SNTB2: variants seen among roughly 807,000 people sequenced by gnomAD.
The protein encoded by SNTB2 is beta-2-syntrophin.
A neutral mutation model predicts 46.2 loss-of-function variants in SNTB2; 34 were observed. The ratio of observed to expected loss-of-function variants is 0.74; its 90% CI spans 0.56 to 0.98. SNTB2 has a LOEUF of 0.98. Among genes scored for constraint, SNTB2 ranks in the 50% least tolerant of loss-of-function variants. The probability of loss-of-function intolerance (pLI) is 0.00; values close to 1 mark genes in which losing one functional copy is unlikely to be tolerated. For missense variants in SNTB2, 603 were observed against 731.4 expected (o/e 0.82, Z 2.02); for synonymous variants, 290 against 312.6 (o/e 0.93, Z 0.76).
chr16:69,277,472 A>G (rs548967736), intron 4 of SNTB2, among the ~76,000 whole-genome samples: 13 of 152,376 alleles, frequency 8.5e-5, no homozygotes, highest in Middle Eastern at 6.8e-3. Flanking sequence ...TTGAAATTTC[A>G]AGGGAAACCA....
chr16:69,199,678 T>C (rs1964141257), intron 1 of SNTB2, among the ~76,000 whole-genome samples: 1 of 151,012 alleles, frequency 6.6e-6, no homozygotes, highest in African/African-American at 2.4e-5. Flanking sequence ...GCAATCTAGA[T>C]TGCAGTTAAT....
intron 1 of SNTB2, among the ~76,000 whole-genome samples, chr16:69,236,043 G>A (rs1964556829): frequency 6.6e-6 from 1 of 152,134 alleles, no homozygotes; most frequent in Admixed American, 6.6e-5. Context: ...AAGAAGTGAG[G>A]GAATCAATAT....
At chr16:69,279,701 A>AT (rs79254687) in intron 4 of SNTB2, among the ~76,000 whole-genome samples, 146 of 148,140 alleles carry the variant, frequency 9.9e-4, no homozygotes, top group Non-Finnish European at 1.2e-3. Context: ...AATTTTTTGT[A>AT]TTTTTTTTAA....
At chr16:69,191,557 C>CAAAAA (rs1204153764) in intron 1 of SNTB2, among the ~76,000 whole-genome samples, 1 of 60,288 alleles carries the variant, frequency 1.7e-5, no homozygotes, top group Non-Finnish European at 3.3e-5. Flanking sequence ...GATCCTGTCT[C>CAAAAA]AAAAAAAAAA....
intron 1 of SNTB2, among the ~76,000 whole-genome samples, chr16:69,193,409 A>G (rs1964073566): frequency 7.1e-6 from 1 of 141,598 alleles, no homozygotes; most frequent in Non-Finnish European, 1.5e-5. Flanking sequence ...GCTCACTGCA[A>G]CCTCCGCCTC....
intron 5 of SNTB2, among the ~76,000 whole-genome samples, chr16:69,286,338 G>A (rs969225964): frequency 6.6e-6 from 1 of 151,796 alleles, no homozygotes; most frequent in African/African-American, 2.4e-5. Context: ...ATTGCTTGAG[G>A]CCAGGAGTTT....
chr16:69,193,173 T>G (rs1049341285), intron 1 of SNTB2, among the ~76,000 whole-genome samples: 5 of 151,790 alleles, frequency 3.3e-5, no homozygotes, highest in Non-Finnish European at 7.4e-5. Context: ...GTAGGATCAC[T>G]TGAGGCCAGG....
At chr16:69,281,809 C>G (rs1048211377) in intron 4 of SNTB2, among the ~76,000 whole-genome samples, 1 of 149,452 alleles carries the variant, frequency 6.7e-6, no homozygotes, top group African/African-American at 2.5e-5. Flanking sequence ...TGCCATTGTG[C>G]TCCAGCCTGG....
intron 1 of SNTB2, among the ~76,000 whole-genome samples, chr16:69,225,912 C>T (rs1332191202): frequency 2.0e-5 from 3 of 151,912 alleles, no homozygotes; most frequent in Non-Finnish European, 4.4e-5. Flanking sequence ...GGATTACAGG[C>T]GCCCGTCTCC....
At chr16:69,297,113 T>C (rs1307805684) in intron 5 of SNTB2, among the ~76,000 whole-genome samples, 1 of 150,692 alleles carries the variant, frequency 6.6e-6, no homozygotes, top group Non-Finnish European at 1.5e-5. Flanking sequence ...AAGACCAGCC[T>C]GGGCAAGATG....
rs955904723 is a variant in SNTB2 at position 69,207,103 on chromosome 16, T to A, written c.580+19357T>A. ...TATTCTTTCAAAATATGAAAGGAAT[T>A]CTTAGAGGCTTTAAAGTATAGATTT... On this transcript the variant is annotated intron_variant, in intron 1 of 6. Coordinates refer to ENST00000336278, the MANE Select transcript of SNTB2 (RefSeq NM_006750.4). Among the ~76,000 whole-genome samples the A allele has an allele frequency of 2.0e-5, 3 of 151,512 alleles. No homozygotes were observed. In the East Asian group the frequency reaches 5.8e-4, roughly 30 times the overall value.
intron 1 of SNTB2, chr16:69,230,553 G>A (rs1311760000): frequency 6.6e-6 from 1 of 151,764 alleles, no homozygotes. Context: ...AGTAGAGATG[G>A]GGTTTCACCA....
chr16:69,235,088 GCA>G (rs1160243033), intron 1 of SNTB2, among the ~76,000 whole-genome samples: 44 of 151,848 alleles, frequency 2.9e-4, no homozygotes, highest in Non-Finnish European at 3.7e-4. Flanking sequence ...TTGGCTCACT[GCA>G]GCCTCTGTCG....
intron 2 of SNTB2, among the ~76,000 whole-genome samples, chr16:69,250,408 T>C (rs1363940178): frequency 6.6e-6 from 1 of 152,192 alleles, no homozygotes; most frequent in Non-Finnish European, 1.5e-5. Context: ...CCACAAGCCT[T>C]GCATTTCCCC....
At chr16:69,287,988 C>CA (rs1384123150) in intron 5 of SNTB2, among the ~76,000 whole-genome samples, 2 of 150,726 alleles carry the variant, frequency 1.3e-5, no homozygotes, top group African/African-American at 4.9e-5. Context: ...CCAGCCTGGG[C>CA]AACATGGTGA....
At chr16:69,190,087 A>G (rs781724756) in intron 1 of SNTB2, among the ~76,000 whole-genome samples, 2 of 152,256 alleles carry the variant, frequency 1.3e-5, no homozygotes, top group Non-Finnish European at 2.9e-5. Flanking sequence ...ACTGAAAACA[A>G]TGATTTAATT....
chr16:69,235,932 C>A, intron 1 of SNTB2: 1 of 1,084,546 alleles, frequency 9.2e-7, no homozygotes, highest in Non-Finnish European at 1.2e-6. Flanking sequence ...TTTATCTGTG[C>A]TACATCTTAG....
chr16:69,193,715 T>A (rs1964077649), intron 1 of SNTB2, among the ~76,000 whole-genome samples: 1 of 152,210 alleles, frequency 6.6e-6, no homozygotes, highest in African/African-American at 2.4e-5. Context: ...CAAGGCTCTT[T>A]GGGTTTCAAA....
intron 1 of SNTB2, among the ~76,000 whole-genome samples, chr16:69,234,230 G>C (rs1368324882): frequency 6.6e-6 from 1 of 152,154 alleles, no homozygotes; most frequent in East Asian, 1.9e-4. Context: ...CTACTAGGGA[G>C]CCTAAGGTGG....
Sources: allele counts gnomAD v4.1 joint callset (sites outside exome capture counted in the v4.1 genomes callset), GRCh38; gene constraint gnomAD v4.1.1; transcripts MANE v1.5; gene names NCBI Gene and HGNC (gene_info 2026-07-23, HGNC 2026-07-21).